Variants in CSTPP1 observed in about 807,000 individuals in gnomAD.
CSTPP1 encodes the protein centriolar satellite-associated tubulin polyglutamylase complex regulator 1, also known as UPF0705 protein C11orf49.
At chr11:47,100,063 T>C in the CSTPP1 span, among the ~76,000 whole-genome samples, 1 of 152,232 alleles carries the variant, frequency 6.6e-6, no homozygotes, top group South Asian at 2.1e-4. Flanking sequence ...TTTTATAGGA[T>C]CCAATAAGAA....
At chr11:47,036,907 C>T in the CSTPP1 span, among the ~76,000 whole-genome samples, 1 of 126,482 alleles carries the variant, frequency 7.9e-6, no homozygotes, top group Non-Finnish European at 1.9e-5. Flanking sequence ...TCTCGAACTC[C>T]TGACCTCTGG....
At chr11:47,066,659 A>G in the CSTPP1 span, among the ~76,000 whole-genome samples, 5 of 152,230 alleles carry the variant, frequency 3.3e-5, no homozygotes, top group Non-Finnish European at 7.3e-5. Flanking sequence ...ATAAGCGATG[A>G]GGTATGAAAG....
At chr11:47,144,155 A>G in the CSTPP1 span, among the ~76,000 whole-genome samples, 1 of 152,220 alleles carries the variant, frequency 6.6e-6, no homozygotes, top group South Asian at 2.1e-4. Flanking sequence ...CAACAAAACC[A>G]TGAACACTGC....
the CSTPP1 span, among the ~76,000 whole-genome samples, chr11:47,000,212 G>C: frequency 6.6e-6 from 1 of 152,218 alleles, no homozygotes; most frequent in African/African-American, 2.4e-5. Flanking sequence ...AAATGGGCGA[G>C]AGTAGCTCTA....
At chr11:47,139,831 G>T in the CSTPP1 span, among the ~76,000 whole-genome samples, 1 of 152,154 alleles carries the variant, frequency 6.6e-6, no homozygotes, top group African/African-American at 2.4e-5. Context: ...AACTGGAACC[G>T]CAGTCAGCCT....
the CSTPP1 span, among the ~76,000 whole-genome samples, chr11:46,998,775 G>A: frequency 1.3e-5 from 2 of 151,640 alleles, no homozygotes; most frequent in East Asian, 3.9e-4. Context: ...TTGCTCTGTC[G>A]CCCAGGCTGG....
chr11:47,102,025 A>C, the CSTPP1 span, among the ~76,000 whole-genome samples: 1 of 152,172 alleles, frequency 6.6e-6, no homozygotes, highest in African/African-American at 2.4e-5. Context: ...GGAGTTTGAG[A>C]GATACTTAAT....
At chr11:47,104,697 A>C in the CSTPP1 span, among the ~76,000 whole-genome samples, 1 of 152,180 alleles carries the variant, frequency 6.6e-6, no homozygotes, top group African/African-American at 2.4e-5. Flanking sequence ...AATGAAGTCC[A>C]CCTCACAGCC....
the CSTPP1 span, among the ~76,000 whole-genome samples, chr11:46,938,814 G>C: frequency 8.3e-6 from 1 of 120,970 alleles, no homozygotes; most frequent in Admixed American, 1.2e-4. Flanking sequence ...GTCTGGCACT[G>C]TCACTCAGGC....
the CSTPP1 span, among the ~76,000 whole-genome samples, chr11:46,992,044 A>G: frequency 6.6e-6 from 1 of 152,062 alleles, no homozygotes; most frequent in Admixed American, 6.6e-5. Flanking sequence ...GCCCGGCCTC[A>G]TTTATTCTTC....
chr11:47,040,743 C>G, the CSTPP1 span, among the ~76,000 whole-genome samples: 1 of 127,042 alleles, frequency 7.9e-6, no homozygotes, highest in South Asian at 2.5e-4. Context: ...TCAGATGGTT[C>G]AGATGTTCCT....
At chr11:47,162,184 C>T in the CSTPP1 span, 1 of 985,612 alleles carries the variant, frequency 1.0e-6, no homozygotes, top group Non-Finnish European at 1.2e-6. Context: ...CAAGTCTTGA[C>T]CCCTTTGTGT....
chr11:47,041,733 A>G, the CSTPP1 span: 12 of 532,018 alleles, frequency 2.3e-5, 3 homozygotes, highest in South Asian at 2.0e-4. Context: ...TGACCTTGGT[A>G]GGCACCTTTG....
At chr11:47,030,426 C>T in the CSTPP1 span, among the ~76,000 whole-genome samples, 2 of 152,174 alleles carry the variant, frequency 1.3e-5, no homozygotes, top group African/African-American at 4.8e-5. Flanking sequence ...TAATTTGGTC[C>T]TCTTGCCCAT....
At chr11:47,122,636 G>T in the CSTPP1 span, among the ~76,000 whole-genome samples, 1 of 152,036 alleles carries the variant, frequency 6.6e-6, no homozygotes, top group Non-Finnish European at 1.5e-5. Flanking sequence ...AGGCTGGAGT[G>T]CAGTGGCATG....
the CSTPP1 span, chr11:46,987,265 G>C: frequency 6.2e-7 from 1 of 1,614,164 alleles, no homozygotes; most frequent in Non-Finnish European, 8.5e-7. Context: ...CTAGAAAACA[G>C]GGAAGATATT....
chr11:47,086,482 T>C, the CSTPP1 span, among the ~76,000 whole-genome samples: 1 of 146,326 alleles, frequency 6.8e-6, no homozygotes, highest in African/African-American at 2.5e-5. Context: ...TTATTGAAGA[T>C]GGAGACAGAA....
the CSTPP1 span, among the ~76,000 whole-genome samples, chr11:47,021,954 G>A: frequency 1.3e-5 from 2 of 151,966 alleles, no homozygotes; most frequent in South Asian, 2.1e-4. Context: ...GCTTATGGGC[G>A]CCTGTGCAGT....
chr11:47,144,624 T>C, the CSTPP1 span, among the ~76,000 whole-genome samples: 2 of 152,142 alleles, frequency 1.3e-5, no homozygotes, highest in Non-Finnish European at 2.9e-5. Context: ...CAGAAAATAA[T>C]ATATAACAAA....
Sources: allele counts gnomAD v4.1 joint callset (sites outside exome capture counted in the v4.1 genomes callset), GRCh38; gene constraint gnomAD v4.1.1; transcripts MANE v1.5; gene names NCBI Gene and HGNC (gene_info 2026-07-23, HGNC 2026-07-21).